The following GPC5 variants were observed in gnomAD, a reference collection of about 807,000 sequenced individuals.
GPC5 encodes the protein glypican-5.
GPC5 carries 47 observed loss-of-function variants against 53.9 expected under a neutral mutation model. The observed-to-expected ratio is 0.87, with a 90% confidence interval of 0.69 to 1.11. The LOEUF (loss-of-function observed/expected upper bound fraction) is 1.11, where lower values mean the gene tolerates loss of function less well. GPC5 is among the 50% of genes most tolerant of loss of function. The pLI, the probability that GPC5 is intolerant of heterozygous loss-of-function variation, is 0.00. For synonymous variants in GPC5, 286 were observed against 263.3 expected (o/e 1.09, Z -0.84); for missense variants, 748 against 713.1 (o/e 1.05, Z -0.56).
chr13:91,576,574 C>A (rs2032145324), intron 2 of GPC5, among the ~76,000 whole-genome samples: 1 of 152,152 alleles, frequency 6.6e-6, no homozygotes, highest in East Asian at 1.9e-4. Flanking sequence ...AAGGTGTTTG[C>A]CAAATTAGTG....
chr13:92,692,377 T>G (rs1005140072), intron 7 of GPC5, among the ~76,000 whole-genome samples: 1 of 151,944 alleles, frequency 6.6e-6, no homozygotes, highest in Non-Finnish European at 1.5e-5. Flanking sequence ...TTATTTTCTT[T>G]TAGATATATA....
At chr13:91,779,093 T>A (rs1351952252) in intron 5 of GPC5, among the ~76,000 whole-genome samples, 1 of 152,234 alleles carries the variant, frequency 6.6e-6, no homozygotes, top group Non-Finnish European at 1.5e-5. Flanking sequence ...GTGAGTCCAG[T>A]GAATGTGAAG....
chr13:91,512,701 A>G (rs1885298275), intron 2 of GPC5, among the ~76,000 whole-genome samples: 1 of 152,170 alleles, frequency 6.6e-6, no homozygotes, highest in African/African-American at 2.4e-5. Context: ...TGTTAAAGGT[A>G]TGCTGAAAGT....
In GPC5 at chr13:92,565,486, T is replaced by G. The variant is rs117972840; in HGVS notation, c.1562-300796T>G. On this transcript the variant is annotated intron_variant, in intron 7 of 7. Coordinates refer to ENST00000377067, the MANE Select transcript of GPC5 (RefSeq NM_004466.6). ...TCCCCTTGGATGACGTTGTCTCACATATAGCTTTTTTTCACTGCTACAAAG... is the reference window on the plus strand; with the variant it reads ...TCCCCTTGGATGACGTTGTCTCACAGATAGCTTTTTTTCACTGCTACAAAG... 4.7e-3 allele frequency among the ~76,000 whole-genome samples: 721 copies of G among 152,190 alleles called. 2 individuals carry two copies. Among genetic ancestry groups the G allele is most frequent in the Non-Finnish European group, 7.5e-3 (511 of 67,988 alleles).
intron 7 of GPC5, among the ~76,000 whole-genome samples, chr13:92,769,574 CCT>C (rs1403901104): frequency 2.6e-5 from 4 of 152,028 alleles, no homozygotes; most frequent in African/African-American, 9.7e-5. Context: ...CCACCTCACC[CCT>C]GTCTCTATTT....
At chr13:91,632,500 T>C (rs1471325670) in intron 2 of GPC5, among the ~76,000 whole-genome samples, 1 of 152,112 alleles carries the variant, frequency 6.6e-6, no homozygotes, top group East Asian at 1.9e-4. Flanking sequence ...AGGAGGGTTA[T>C]ATTAGAAAAT....
chr13:92,792,166 T>C (rs895655489), intron 7 of GPC5, among the ~76,000 whole-genome samples: 1 of 151,986 alleles, frequency 6.6e-6, no homozygotes, highest in African/African-American at 2.4e-5. Context: ...GAGAGAAAGG[T>C]TGGGTTACCC....
chr13:91,732,733 T>C (rs1253492253), intron 4 of GPC5, among the ~76,000 whole-genome samples: 1 of 152,226 alleles, frequency 6.6e-6, no homozygotes, highest in Non-Finnish European at 1.5e-5. Flanking sequence ...TTCAGTTTTC[T>C]GCATATTGTT....
At chr13:92,796,678 T>G (rs898393425) in intron 7 of GPC5, among the ~76,000 whole-genome samples, 4 of 151,964 alleles carry the variant, frequency 2.6e-5, no homozygotes, top group African/African-American at 9.7e-5. Flanking sequence ...CTACTTACTT[T>G]GTTTTTTGTT....
chr13:91,854,764 T>A (rs2038949417), intron 5 of GPC5, among the ~76,000 whole-genome samples: 1 of 151,842 alleles, frequency 6.6e-6, no homozygotes, highest in South Asian at 2.1e-4. Flanking sequence ...CTTATTTTTA[T>A]AAAACATTTT....
intron 2 of GPC5, among the ~76,000 whole-genome samples, chr13:91,593,205 A>G (rs2032868229): frequency 6.6e-6 from 1 of 152,156 alleles, no homozygotes; most frequent in Non-Finnish European, 1.5e-5. Flanking sequence ...AACTACCCTC[A>G]GTAATCAGGC....
intron 7 of GPC5, among the ~76,000 whole-genome samples, chr13:92,740,870 T>C (rs11618376): frequency 7.5e-6 from 1 of 133,550 alleles, no homozygotes; most frequent in African/African-American, 2.9e-5. Flanking sequence ...CAAATTATAT[T>C]TATGTATGTA....
At chr13:91,431,160 T>A (rs1879419521) in intron 1 of GPC5, among the ~76,000 whole-genome samples, 1 of 152,190 alleles carries the variant, frequency 6.6e-6, no homozygotes, top group South Asian at 2.1e-4. Context: ...ATTACAGGTA[T>A]GAGCCACTGT....
chr13:92,685,034 C>T (rs1226055264), intron 7 of GPC5, among the ~76,000 whole-genome samples: 3 of 152,106 alleles, frequency 2.0e-5, no homozygotes, highest in Non-Finnish European at 4.4e-5. Flanking sequence ...TAGTAGTATG[C>T]TGCCATCAGT....
At chr13:92,136,075 C>T (rs528011424) in intron 6 of GPC5, among the ~76,000 whole-genome samples, 1 of 151,832 alleles carries the variant, frequency 6.6e-6, no homozygotes, top group Admixed American at 6.6e-5. Context: ...TAGATGGAAA[C>T]ATAGTTTGGG....
intron 5 of GPC5, among the ~76,000 whole-genome samples, chr13:91,816,447 G>T (rs914834466): frequency 1.6e-4 from 24 of 152,190 alleles, no homozygotes; most frequent in African/African-American, 4.8e-4. Context: ...CTCAGTTGGG[G>T]TCCCTCATTG....
At chr13:92,179,239 A>C (rs2042129505) in intron 7 of GPC5, among the ~76,000 whole-genome samples, 1 of 152,188 alleles carries the variant, frequency 6.6e-6, no homozygotes, top group Admixed American at 6.5e-5. Flanking sequence ...CCACCTAAAA[A>C]AATTTTCAAT....
chr13:92,756,109 G>A (rs994077757), intron 7 of GPC5, among the ~76,000 whole-genome samples: 16 of 151,626 alleles, frequency 1.1e-4, no homozygotes, highest in Non-Finnish European at 2.2e-4. Flanking sequence ...GAATCCAGCA[G>A]CACATCAAAA....
intron 7 of GPC5, among the ~76,000 whole-genome samples, chr13:92,488,915 T>C (rs1299096552): frequency 6.6e-6 from 1 of 152,150 alleles, no homozygotes; most frequent in Non-Finnish European, 1.5e-5. Context: ...TACTAACAAA[T>C]AAAACATTAG....
Sources: gnomAD v4.1 joint callset for allele counts (sites outside exome capture counted in the v4.1 genomes callset) on GRCh38, gnomAD v4.1.1 for gene constraint, MANE v1.5 for transcripts, NCBI Gene and HGNC (gene_info 2026-07-23, HGNC 2026-07-21) for gene names.